PLXNC1: variants seen among roughly 807,000 people sequenced by gnomAD.
The protein encoded by PLXNC1 is plexin-C1.
A neutral mutation model predicts 178.2 loss-of-function variants in PLXNC1; 75 were observed. The ratio of observed to expected loss-of-function variants is 0.42; its 90% CI spans 0.35 to 0.51. The LOEUF (loss-of-function observed/expected upper bound fraction) is 0.51. Ranked by LOEUF, PLXNC1 falls within the 20% of genes least tolerant of loss-of-function variation. The pLI is 0.02. For missense variants in PLXNC1, 1,503 were observed against 1,984.4 expected, an observed-to-expected ratio of 0.76 and a Z score of 4.61; for synonymous variants, 790 against 779.9, an observed-to-expected ratio of 1.01 and a Z score of -0.22.
intron 23 of PLXNC1, among the ~76,000 whole-genome samples, chr12:94,286,490 C>T (rs1966843884): frequency 6.6e-6 from 1 of 151,968 alleles, no homozygotes; most frequent in African/African-American, 2.4e-5. Flanking sequence ...TTGCTTTTAC[C>T]CTTTTGTTAA....
chr12:94,298,866 G>T (rs1968189242), intron 27 of PLXNC1, 71 bp downstream of exon 27: 3 of 1,395,258 alleles, frequency 2.2e-6, no homozygotes, highest in African/African-American at 2.9e-5. Context: ...GAAAGACATA[G>T]ATAGTTATAG....
At chr12:94,210,349 C>T (rs778134098) in intron 5 of PLXNC1, among the ~76,000 whole-genome samples, 19 of 152,216 alleles carry the variant, frequency 1.2e-4, no homozygotes, top group Non-Finnish European at 2.5e-4. Flanking sequence ...CAAATGCACA[C>T]GCCAACCGTG....
At chr12:94,270,013 C>G (rs930997811) in intron 21 of PLXNC1, among the ~76,000 whole-genome samples, 1 of 152,202 alleles carries the variant, frequency 6.6e-6, no homozygotes. Context: ...ATTTAGTTAT[C>G]TAAATATAAA....
intron 15 of PLXNC1, among the ~76,000 whole-genome samples, chr12:94,254,088 T>G (rs574596622): frequency 3.3e-5 from 5 of 152,362 alleles, no homozygotes; most frequent in African/African-American, 1.2e-4. Context: ...TTACTTCTTA[T>G]AATCCTCCCA....
intron 2 of PLXNC1, among the ~76,000 whole-genome samples, chr12:94,172,530 G>A (rs903453161): frequency 6.6e-6 from 1 of 152,160 alleles, no homozygotes; most frequent in African/African-American, 2.4e-5. Flanking sequence ...GTCGTCGGGG[G>A]TGAGAGGACA....
chr12:94,183,046 T>C (rs958238770), intron 3 of PLXNC1, among the ~76,000 whole-genome samples: 2 of 152,242 alleles, frequency 1.3e-5, no homozygotes, highest in African/African-American at 4.8e-5. Context: ...TTTTGACCTA[T>C]GACCGTTTGA....
At chr12:94,226,509 C>G (rs879216041) in intron 7 of PLXNC1, 96 bp from the exon 8 acceptor site, 18 of 570,474 alleles carry the variant, frequency 3.2e-5, no homozygotes, top group African/African-American at 4.2e-5. Context: ...TTTTTGCCTT[C>G]TTTTAAATGC....
intron 4 of PLXNC1, among the ~76,000 whole-genome samples, chr12:94,195,002 G>T (rs188458967): frequency 6.6e-6 from 1 of 152,144 alleles, no homozygotes; most frequent in East Asian, 1.9e-4. Context: ...TGGTCGGGAG[G>T]CATTTCAGGC....
At position 94,181,425 on chromosome 12, in the gene PLXNC1, CT is replaced by C. The variant is rs766060527; in HGVS notation, c.1204-16del. 7.1e-7 allele frequency: 1 copy of C among 1,403,676 alleles called. No individual in the cohort carries two copies. The highest frequency in any genetic ancestry group is 1.3e-5 in the South Asian group (1 of 79,076). 87.0% of individuals were successfully genotyped at this position (1,403,676 alleles called of 1,614,324 possible). On this transcript the variant is annotated intron_variant, in intron 2 of 30. Transcript: ENST00000258526. ...AGTATTAAATAGAAATCATGTTTCT[CT>C]TTTTGAAAAAAAAAAATAGGTTATT...
rs528144757 is a variant in PLXNC1 at position 94,260,238 on chromosome 12, A to T, written c.3252-404A>T. Among the ~76,000 whole-genome samples, 7 of 152,098 alleles carry T rather than the reference A, an allele frequency of 4.6e-5. No homozygotes were observed. The highest frequency in any genetic ancestry group is 1.7e-4 in the African/African-American group (7 of 41,488). Reference sequence around the variant, plus strand: ...CCAGCTAATGTTTTGTTGTTGTTGTAGTAGAGATGGGGTCTTGCTATATTG... The same window carrying T: ...CCAGCTAATGTTTTGTTGTTGTTGTTGTAGAGATGGGGTCTTGCTATATTG... On this transcript the variant is annotated intron_variant, in intron 19 of 30. Coordinates refer to ENST00000258526, the MANE Select transcript of PLXNC1 (RefSeq NM_005761.3). This position sits in a 1 kb window ranked among gnomAD's most constrained non-coding sequence, Gnocchi z 4.4.
chr12:94,226,256 G>T (rs1963935582), intron 7 of PLXNC1, among the ~76,000 whole-genome samples: 1 of 152,160 alleles, frequency 6.6e-6, no homozygotes, highest in Non-Finnish European at 1.5e-5. Flanking sequence ...AAGGCAGAGT[G>T]GGTAGAGGCG....
At chr12:94,303,732 C>CTTTTT in intron 28 of PLXNC1, 24 bp from the exon 29 acceptor site, 4 of 843,764 alleles carry the variant, frequency 4.7e-6, no homozygotes, top group Non-Finnish European at 3.1e-6. Context: ...GTGATGGTTG[C>CTTTTT]TTTTTTTTTT....
intron 20 of PLXNC1, chr12:94,262,398 T>C (rs535698140): frequency 1.4e-6 from 1 of 711,570 alleles, no homozygotes; most frequent in African/African-American, 1.9e-5. Context: ...TACTGGATCT[T>C]GTGATTCTTA....
intron 26 of PLXNC1, 85 bp downstream of exon 26, chr12:94,297,508 T>A: frequency 1.1e-6 from 1 of 935,822 alleles, no homozygotes; most frequent in South Asian, 1.4e-5. Context: ...AGTGTGAAAA[T>A]GTTACAAATC....
intron 2 of PLXNC1, among the ~76,000 whole-genome samples, chr12:94,171,824 C>T (rs747758677): frequency 3.3e-5 from 5 of 152,090 alleles, no homozygotes; most frequent in Non-Finnish European, 7.4e-5. Flanking sequence ...GGAATTAACA[C>T]CCACCCCCCA....
chr12:94,243,663 C>T (rs1964450888), intron 11 of PLXNC1, among the ~76,000 whole-genome samples: 1 of 152,166 alleles, frequency 6.6e-6, no homozygotes, highest in South Asian at 2.1e-4. Context: ...AAACAAAATT[C>T]AAATTCCATC....
intron 27 of PLXNC1, among the ~76,000 whole-genome samples, 178 bp downstream of exon 27, chr12:94,298,973 A>C (rs1179707797): frequency 2.0e-5 from 3 of 152,230 alleles, no homozygotes; most frequent in Admixed American, 6.5e-5. Context: ...ACAATAAAGG[A>C]AACCATTCCT....
At chr12:94,244,116 C>A in intron 12 of PLXNC1, 91 bp downstream of exon 12, 1 of 687,568 alleles carries the variant, frequency 1.5e-6, no homozygotes. Flanking sequence ...TTTTTTGTTT[C>A]TGTGACTTTG....
intron 4 of PLXNC1, among the ~76,000 whole-genome samples, chr12:94,207,213 G>A (rs1963326357): frequency 6.6e-6 from 1 of 152,128 alleles, no homozygotes; most frequent in African/African-American, 2.4e-5. Flanking sequence ...TAGGAGTTCA[G>A]AGGTGGTGGG....
Sources: gnomAD v4.1 joint callset for allele counts (sites outside exome capture counted in the v4.1 genomes callset) on GRCh38, gnomAD v4.1.1 for gene constraint, Gnocchi (gnomAD v3.1) non-coding constraint, MANE v1.5 for transcripts, NCBI Gene and HGNC (gene_info 2026-07-23, HGNC 2026-07-21) for gene names.